The following MALRD1 variants were observed in gnomAD, a reference collection of about 807,000 sequenced individuals.
The protein encoded by MALRD1 is MAM and LDL receptor class A domain containing 1.
MALRD1 carries 247 observed loss-of-function variants against 242.1 expected under a neutral mutation model. That is an observed-to-expected ratio of 1.02 (90% CI 0.92 to 1.13). The LOEUF (loss-of-function observed/expected upper bound fraction) is 1.13. Among genes scored for constraint, MALRD1 ranks in the 50% most tolerant of loss-of-function variants. The pLI is 0.00. For missense variants in MALRD1, 2,989 were observed against 2,533.1 expected, an observed-to-expected ratio of 1.18 and a Z score of -3.86; for synonymous variants, 995 against 866.6, an observed-to-expected ratio of 1.15 and a Z score of -2.60.
intron 29 of MALRD1, among the ~76,000 whole-genome samples, chr10:19,460,328 C>G (rs1043060596): frequency 6.6e-6 from 1 of 151,998 alleles, no homozygotes; most frequent in Non-Finnish European, 1.5e-5. Flanking sequence ...CATAAAGAAA[C>G]AGTTAACAAC....
chr10:19,182,732 C>T (rs890828906), intron 14 of MALRD1, among the ~76,000 whole-genome samples: 3 of 152,162 alleles, frequency 2.0e-5, no homozygotes, highest in Non-Finnish European at 2.9e-5. Context: ...AAGTTCCCTA[C>T]GTGAGCAGTT....
intron 31 of MALRD1, among the ~76,000 whole-genome samples, chr10:19,513,947 T>C (rs1833520396): frequency 6.6e-6 from 1 of 152,148 alleles, no homozygotes; most frequent in African/African-American, 2.4e-5. Context: ...TTCATTAAAA[T>C]TCTGAGAATT....
At chr10:19,083,053 A>C (rs1176282247) in intron 2 of MALRD1, among the ~76,000 whole-genome samples, 1 of 151,980 alleles carries the variant, frequency 6.6e-6, no homozygotes, top group Non-Finnish European at 1.5e-5. Flanking sequence ...TTCTTTTATA[A>C]AGGAGTTAAA....
chr10:19,316,822 CA>C (rs1264495089), intron 21 of MALRD1, among the ~76,000 whole-genome samples: 4 of 151,374 alleles, frequency 2.6e-5, no homozygotes, highest in Admixed American at 6.6e-5. Context: ...TTAATGGGTA[CA>C]AAAAAATAGA....
chr10:19,731,446 C>A (rs921889199), intron 39 of MALRD1, among the ~76,000 whole-genome samples: 3 of 151,776 alleles, frequency 2.0e-5, no homozygotes, highest in African/African-American at 7.3e-5. Context: ...GAAGTGATTA[C>A]TACAATGAAA....
At chr10:19,157,895 T>C (rs1396847327) in intron 12 of MALRD1, among the ~76,000 whole-genome samples, 1 of 152,208 alleles carries the variant, frequency 6.6e-6, no homozygotes. Context: ...TTTAGGGCCA[T>C]TTTGCATGGA....
intron 8 of MALRD1, among the ~76,000 whole-genome samples, chr10:19,128,633 A>G (rs1222847412): frequency 1.3e-5 from 2 of 152,202 alleles, no homozygotes; most frequent in Non-Finnish European, 2.9e-5. Flanking sequence ...AGTATATTAA[A>G]GAAACTATAG....
intron 18 of MALRD1, among the ~76,000 whole-genome samples, chr10:19,248,512 T>G (rs1833158611): frequency 1.3e-5 from 2 of 152,002 alleles, no homozygotes; most frequent in African/African-American, 4.8e-5. Context: ...TATAAATAAC[T>G]GTTTAAATTG....
intron 28 of MALRD1, among the ~76,000 whole-genome samples, chr10:19,416,967 G>A (rs1021500451): frequency 8.5e-5 from 13 of 152,140 alleles, no homozygotes; most frequent in South Asian, 4.1e-4. Flanking sequence ...TGAACACTTC[G>A]CTACCTGTCA....
chr10:19,205,335 G>A, intron 17 of MALRD1, 70 bp downstream of exon 17: 1 of 1,454,318 alleles, frequency 6.9e-7, no homozygotes, highest in East Asian at 2.5e-5. Context: ...ATTCACTTTT[G>A]TCTTGCCAAT....
chr10:19,693,328 A>T (rs1470925281), intron 38 of MALRD1, among the ~76,000 whole-genome samples: 2 of 152,050 alleles, frequency 1.3e-5, no homozygotes, highest in African/African-American at 4.8e-5. Context: ...AGAAAACCCC[A>T]TCGTCTCAGC....
At chr10:19,572,277 G>C (rs573006752) in intron 33 of MALRD1, among the ~76,000 whole-genome samples, 1 of 152,236 alleles carries the variant, frequency 6.6e-6, no homozygotes, top group South Asian at 2.1e-4. Flanking sequence ...GTTTTCCTTA[G>C]CCATGTGAGT....
At chr10:19,163,136 CTAAAAAA>C (rs1252589834) in intron 12 of MALRD1, among the ~76,000 whole-genome samples, 3 of 36,914 alleles carry the variant, frequency 8.1e-5, no homozygotes, top group Admixed American at 3.5e-4. Context: ...GAAACCCTGT[CTAAAAAA>C]AAAAAAAAAA....
chr10:19,124,041 A>AG (rs1837161924), intron 6 of MALRD1, among the ~76,000 whole-genome samples: 1 of 114,118 alleles, frequency 8.8e-6, no homozygotes, highest in South Asian at 3.1e-4. Flanking sequence ...TGTCATCTCT[A>AG]CCAAAAAAAA....
At chr10:19,172,450 A>G (rs947184757) in intron 13 of MALRD1, among the ~76,000 whole-genome samples, 7 of 151,888 alleles carry the variant, frequency 4.6e-5, no homozygotes, top group African/African-American at 1.4e-4. Context: ...ATGACCTAAT[A>G]TTATTTTTAT....
intron 31 of MALRD1, among the ~76,000 whole-genome samples, chr10:19,521,606 T>C (rs1833888948): frequency 6.6e-6 from 1 of 152,142 alleles, no homozygotes; most frequent in African/African-American, 2.4e-5. Flanking sequence ...TTGATCTAGA[T>C]AGTGTAAAGA....
intron 31 of MALRD1, among the ~76,000 whole-genome samples, chr10:19,499,807 A>G (rs1438661220): frequency 6.6e-6 from 1 of 152,208 alleles, no homozygotes; most frequent in East Asian, 1.9e-4. Context: ...TTTATTATTT[A>G]TATATTCCAG....
At chr10:19,398,938 G>A (rs1203688994) in intron 28 of MALRD1, among the ~76,000 whole-genome samples, 1 of 152,216 alleles carries the variant, frequency 6.6e-6, no homozygotes, top group Non-Finnish European at 1.5e-5. Flanking sequence ...CTAGACATCA[G>A]GCCTGCAGCC....
intron 5 of MALRD1, among the ~76,000 whole-genome samples, chr10:19,117,957 G>T (rs1836930039): frequency 6.6e-6 from 1 of 152,094 alleles, no homozygotes; most frequent in African/African-American, 2.4e-5. Flanking sequence ...AAAGCAAATA[G>T]TAATCATTGC....
Sources: gnomAD v4.1 joint callset for allele counts (sites outside exome capture counted in the v4.1 genomes callset) on GRCh38, gnomAD v4.1.1 for gene constraint, MANE v1.5 for transcripts, NCBI Gene and HGNC (gene_info 2026-07-23, HGNC 2026-07-21) for gene names.